TOM1: variants seen among roughly 807,000 people sequenced by gnomAD.
TOM1 encodes the protein target of Myb protein 1.
A neutral mutation model predicts 61.3 loss-of-function variants in TOM1; 38 were observed. That is an observed-to-expected ratio of 0.62 (90% CI 0.48 to 0.81). TOM1 has a LOEUF of 0.81. Ranked by LOEUF, TOM1 falls within the 40% of genes least tolerant of loss-of-function variation. TOM1 has a pLI of 0.00. For synonymous variants in TOM1, 270 were observed against 268.8 expected (o/e 1.00, Z -0.04); for missense variants, 591 against 659.6 (o/e 0.90, Z 1.14).
intron 1 of TOM1, among the ~76,000 whole-genome samples, chr22:35,315,940 G>A (rs778408858): frequency 3.9e-5 from 6 of 152,228 alleles, no homozygotes; most frequent in Non-Finnish European, 8.8e-5. Context: ...AAATAGCCGT[G>A]TAGCAAGCGA....
In TOM1 at chr22:35,299,899, C is replaced by G; in HGVS notation, c.-30C>G. On this transcript the variant is annotated 5_prime_UTR_variant, in exon 1 of 15. Coordinates refer to ENST00000449058, the MANE Select transcript of TOM1 (RefSeq NM_005488.3). ...GCTGGCGGTTGCTGTCAGCTGATTC[C>G]CGGGGTTGGTGGCAGCGGCGGTAGC... The G allele has an allele frequency of 6.4e-7, 1 of 1,572,950 alleles. No individual in the cohort carries two copies. The highest frequency in any genetic ancestry group is 2.3e-5 in the East Asian group (1 of 42,866).
intron 2 of TOM1, chr22:35,318,275 T>A (rs1383371906): frequency 2.3e-6 from 1 of 442,176 alleles, no homozygotes; most frequent in Admixed American, 3.6e-5. Context: ...CTGGAGACTC[T>A]TAATCAGAAG....
intron 1 of TOM1, among the ~76,000 whole-genome samples, chr22:35,310,414 A>G (rs1303204712): frequency 1.3e-5 from 2 of 152,216 alleles, no homozygotes; most frequent in Non-Finnish European, 2.9e-5. Context: ...TTAGCTGGGC[A>G]TGGTGGCACA....
At chr22:35,316,161 G>A (rs1178845494) in intron 1 of TOM1, among the ~76,000 whole-genome samples, 4 of 152,248 alleles carry the variant, frequency 2.6e-5, no homozygotes, top group Non-Finnish European at 1.5e-5. Context: ...TGCAGCAGGC[G>A]GATGAGTACT....
At chr22:35,312,026 G>T (rs192897551) in intron 1 of TOM1, among the ~76,000 whole-genome samples, 1 of 152,084 alleles carries the variant, frequency 6.6e-6, no homozygotes, top group South Asian at 2.1e-4. Context: ...AGGCCGAGGC[G>T]GGTGGATCAC....
chr22:35,308,484 A>G (rs991773693), intron 1 of TOM1, among the ~76,000 whole-genome samples: 4 of 151,848 alleles, frequency 2.6e-5, no homozygotes, highest in East Asian at 1.9e-4. Flanking sequence ...GAGTTTCACC[A>G]TGTTGGCCAG....
chr22:35,320,518 C>G (rs1402065997), intron 2 of TOM1, among the ~76,000 whole-genome samples: 3 of 152,078 alleles, frequency 2.0e-5, no homozygotes, highest in Non-Finnish European at 4.4e-5. Context: ...TTAGTTCCTC[C>G]AAGGCATCAA....
chr22:35,336,827 C>T (rs1217852209), intron 11 of TOM1: 1 of 152,420 alleles, frequency 6.6e-6, no homozygotes, highest in Admixed American at 6.5e-5. Flanking sequence ...GGGCTTCCTC[C>T]AGGGAAGTGC....
At chr22:35,311,906 G>A (rs1203732193) in intron 1 of TOM1, among the ~76,000 whole-genome samples, 1 of 152,188 alleles carries the variant, frequency 6.6e-6, no homozygotes, top group Admixed American at 6.5e-5. Context: ...GAGTGACACG[G>A]TCTACCCAGA....
At chr22:35,307,065 A>T (rs751496038) in intron 1 of TOM1, among the ~76,000 whole-genome samples, 2 of 151,626 alleles carry the variant, frequency 1.3e-5, no homozygotes, top group Non-Finnish European at 2.9e-5. Context: ...AGTGTCTCCT[A>T]ATTAGCTTGA....
chr22:35,314,884 G>A (rs1927151007), intron 1 of TOM1, among the ~76,000 whole-genome samples: 1 of 152,256 alleles, frequency 6.6e-6, no homozygotes, highest in African/African-American at 2.4e-5. Context: ...GTTTCCTCAT[G>A]AGATGAGGGC....
chr22:35,320,162 G>A (rs183040726), intron 2 of TOM1, among the ~76,000 whole-genome samples: 3 of 152,356 alleles, frequency 2.0e-5, no homozygotes, highest in Non-Finnish European at 4.4e-5. Flanking sequence ...CTCTACCCAG[G>A]GTGGGCCCCC....
chr22:35,300,081 C>CAAGGAGGCT, intron 1 of TOM1, 101 bp downstream of exon 1: 1 of 1,373,008 alleles, frequency 7.3e-7, no homozygotes, highest in South Asian at 1.3e-5. Flanking sequence ...GCAGGGAGGG[C>CAAGGAGGCT]AAGGAGGCTG....
chr22:35,322,672 C>T (rs966855930), intron 3 of TOM1: 3 of 233,786 alleles, frequency 1.3e-5, no homozygotes, highest in African/African-American at 2.3e-5. Context: ...GCCACAGGCT[C>T]ACCAGTCGAT....
At chr22:35,326,089 T>C (rs1928279327) in intron 6 of TOM1, among the ~76,000 whole-genome samples, 1 of 152,220 alleles carries the variant, frequency 6.6e-6, no homozygotes, top group Admixed American at 6.5e-5. Context: ...GATATTGATG[T>C]CTACCATGGT....
chr22:35,329,890 A>C (rs1437707709), intron 7 of TOM1, among the ~76,000 whole-genome samples: 1 of 152,232 alleles, frequency 6.6e-6, no homozygotes, highest in African/African-American at 2.4e-5. Flanking sequence ...ATGTTTGTAG[A>C]ACCCAAAAAG....
intron 1 of TOM1, chr22:35,310,996 C>A (rs1926768685): frequency 6.6e-6 from 1 of 152,334 alleles, no homozygotes; most frequent in Non-Finnish European, 1.5e-5. Context: ...GAGACCTGAC[C>A]TTTGATCTGG....
chr22:35,343,825 C>G (rs1007078884), intron 12 of TOM1, among the ~76,000 whole-genome samples: 1 of 149,786 alleles, frequency 6.7e-6, no homozygotes, highest in Non-Finnish European at 1.5e-5. Flanking sequence ...TACACATACA[C>G]ACCTACATTC....
chr22:35,300,021 C>G lies in TOM1; in HGVS notation c.52+41C>G, dbSNP rs113925847. On this transcript the variant is annotated intron_variant, in intron 1 of 14. Coordinates refer to ENST00000449058, the MANE Select transcript of TOM1 (RefSeq NM_005488.3). Reference sequence around the variant, plus strand: ...CCCCCACAGCTCCGCCCCGGTGCTCCGCACCCAGCTTCGGTCCCCTGGGAA... The same window carrying G: ...CCCCCACAGCTCCGCCCCGGTGCTCGGCACCCAGCTTCGGTCCCCTGGGAA... The G allele has an allele frequency of 1.7e-3, 2,634 of 1,550,754 alleles. 41 individuals carry two copies. The African/African-American group carries it at 0.032, about 19-fold the overall frequency.
Sources: gnomAD v4.1 joint callset for allele counts (sites outside exome capture counted in the v4.1 genomes callset) on GRCh38, gnomAD v4.1.1 for gene constraint, MANE v1.5 for transcripts, NCBI Gene and HGNC (gene_info 2026-07-23, HGNC 2026-07-21) for gene names.